The following XKR9 variants were observed in gnomAD, a reference collection of about 807,000 sequenced individuals.
XKR9 encodes XK-related protein 9.
In XKR9, 32 loss-of-function variants were observed where a neutral mutation model predicts 32.0. That is an observed-to-expected ratio of 1.00 (90% CI 0.76 to 1.34). The LOEUF is 1.34. Among genes scored for constraint, XKR9 ranks in the 40% most tolerant of loss-of-function variants. XKR9 has a pLI of 0.00. For missense variants in XKR9, 546 were observed against 429.7 expected, an observed-to-expected ratio of 1.27 and a Z score of -2.39; for synonymous variants, 168 against 143.4, an observed-to-expected ratio of 1.17 and a Z score of -1.22.
chr8:70,806,589 G>T, the XKR9 span, among the ~76,000 whole-genome samples: 1 of 152,066 alleles, frequency 6.6e-6, no homozygotes, highest in South Asian at 2.1e-4. Flanking sequence ...TCATGGAGCT[G>T]GAAAACACAG....
chr8:70,871,583 G>A, the XKR9 span, among the ~76,000 whole-genome samples: 5 of 152,248 alleles, frequency 3.3e-5, no homozygotes, highest in South Asian at 8.3e-4. Flanking sequence ...ATATAAGAAA[G>A]CAAACTTAAT....
the XKR9 span, among the ~76,000 whole-genome samples, chr8:70,952,874 C>T: frequency 6.6e-6 from 1 of 152,188 alleles, no homozygotes; most frequent in Non-Finnish European, 1.5e-5. Context: ...GGTTACTGAT[C>T]TACAGAAATT....
chr8:70,941,106 C>A, the XKR9 span, among the ~76,000 whole-genome samples: 2 of 152,010 alleles, frequency 1.3e-5, no homozygotes, highest in Non-Finnish European at 2.9e-5. Context: ...AACCATCAAG[C>A]AATCACTTCC....
the XKR9 span, among the ~76,000 whole-genome samples, chr8:70,953,177 G>A: frequency 2.0e-5 from 3 of 152,210 alleles, no homozygotes; most frequent in Admixed American, 2.0e-4. Context: ...CAAGAAAGAG[G>A]AGGATCAGGG....
At chr8:70,922,481 G>A in the XKR9 span, among the ~76,000 whole-genome samples, 57 of 152,122 alleles carry the variant, frequency 3.7e-4, no homozygotes, top group African/African-American at 1.3e-3. Context: ...TTTTTCCTTA[G>A]ACAGAAAAGA....
At chr8:70,762,514 A>G (rs767761112) in intron 2 of XKR9, among the ~76,000 whole-genome samples, 6 of 152,196 alleles carry the variant, frequency 3.9e-5, no homozygotes, top group Non-Finnish European at 7.3e-5. Flanking sequence ...TCTGCTCCTT[A>G]TGAGAATCTA....
At chr8:70,683,435 A>G (rs188039401) in intron 3 of XKR9, 5 of 413,602 alleles carry the variant, frequency 1.2e-5, no homozygotes, top group Non-Finnish European at 1.4e-5. Context: ...ATATATTTAT[A>G]CTCTCTTTAT....
intron 2 of XKR9, among the ~76,000 whole-genome samples, chr8:70,744,707 G>A (rs890159400): frequency 2.0e-4 from 31 of 152,326 alleles, no homozygotes; most frequent in African/African-American, 6.5e-4. Context: ...CTGGGTTCGC[G>A]TGATTCTTGT....
chr8:70,832,297 G>A, the XKR9 span, among the ~76,000 whole-genome samples: 2 of 152,140 alleles, frequency 1.3e-5, no homozygotes, highest in Non-Finnish European at 2.9e-5. Flanking sequence ...GGCATTCACG[G>A]GGTAGGGACA....
the XKR9 span, among the ~76,000 whole-genome samples, chr8:71,004,183 T>C: frequency 6.6e-6 from 1 of 152,096 alleles, no homozygotes; most frequent in African/African-American, 2.4e-5. Context: ...GGAAAGAAGC[T>C]ATAGAGGATT....
the XKR9 span, among the ~76,000 whole-genome samples, chr8:70,968,397 A>G: frequency 6.6e-6 from 1 of 152,216 alleles, no homozygotes; most frequent in Non-Finnish European, 1.5e-5. Context: ...CTCTTAGCTC[A>G]GTGAAGTTCA....
At chr8:70,772,788 G>T (rs570676402) in intron 2 of XKR9, among the ~76,000 whole-genome samples, 5 of 152,108 alleles carry the variant, frequency 3.3e-5, no homozygotes, top group Non-Finnish European at 7.4e-5. Flanking sequence ...TAATTCATGT[G>T]TTGCAAGTCT....
the XKR9 span, among the ~76,000 whole-genome samples, chr8:70,867,652 A>C: frequency 6.6e-6 from 1 of 152,018 alleles, no homozygotes; most frequent in Non-Finnish European, 1.5e-5. Context: ...GGATTTCACT[A>C]TGTTGGCCAG....
chr8:70,727,801 G>A (rs1806525249), intron 4 of XKR9, among the ~76,000 whole-genome samples: 1 of 151,928 alleles, frequency 6.6e-6, no homozygotes, highest in Non-Finnish European at 1.5e-5. Context: ...AGGAGAAACT[G>A]TCTTCTTGTA....
At chr8:70,969,790 G>C in the XKR9 span, among the ~76,000 whole-genome samples, 2 of 152,166 alleles carry the variant, frequency 1.3e-5, no homozygotes, top group Non-Finnish European at 2.9e-5. Flanking sequence ...GGGAACAGGT[G>C]ATGTTTGGTT....
At chr8:70,990,145 A>T in the XKR9 span, among the ~76,000 whole-genome samples, 7 of 152,186 alleles carry the variant, frequency 4.6e-5, no homozygotes, top group Non-Finnish European at 8.8e-5. Context: ...TAATTATAAT[A>T]CCTGCCTAGT....
At chr8:70,994,661 C>G in the XKR9 span, among the ~76,000 whole-genome samples, 2 of 150,230 alleles carry the variant, frequency 1.3e-5, no homozygotes, top group African/African-American at 4.9e-5. Flanking sequence ...ATTATTACTC[C>G]AAATATTTTT....
the XKR9 span, among the ~76,000 whole-genome samples, chr8:70,981,916 G>C: frequency 6.6e-6 from 1 of 152,140 alleles, no homozygotes; most frequent in Non-Finnish European, 1.5e-5. Flanking sequence ...TGGTCTTCTG[G>C]GTCTAGCCAC....
the XKR9 span, among the ~76,000 whole-genome samples, chr8:70,832,895 T>C: frequency 1.3e-5 from 2 of 152,116 alleles, no homozygotes; most frequent in Admixed American, 1.3e-4. Flanking sequence ...ACAACGTCTG[T>C]CTTTTCACTG....
Sources: gnomAD v4.1 joint callset for allele counts (sites outside exome capture counted in the v4.1 genomes callset) on GRCh38, gnomAD v4.1.1 for gene constraint, MANE v1.5 for transcripts, NCBI Gene and HGNC (gene_info 2026-07-23, HGNC 2026-07-21) for gene names.